The following MAPK4 variants were observed in gnomAD, a reference collection of about 807,000 sequenced individuals.
MAPK4 encodes the protein Erk3-related.
Under a neutral mutation model 47.7 loss-of-function variants are expected in MAPK4, and 22 were observed. The observed-to-expected ratio is 0.46, with a 90% CI of 0.33 to 0.66. The LOEUF is 0.66. MAPK4 is among the 30% of genes least tolerant of loss of function. MAPK4 has a pLI of 0.02. For synonymous variants in MAPK4, 390 were observed against 365.7 expected, an observed-to-expected ratio of 1.07 and a Z score of -0.76; for missense variants, 736 against 831.7, an observed-to-expected ratio of 0.88 and a Z score of 1.42.
intron 1 of MAPK4, among the ~76,000 whole-genome samples, chr18:50,637,796 C>T (rs551272616): frequency 7.9e-5 from 12 of 152,344 alleles, no homozygotes; most frequent in South Asian, 2.1e-4. Context: ...CTTCTCACTG[C>T]GTCCTCACGT....
intron 1 of MAPK4, among the ~76,000 whole-genome samples, chr18:50,572,254 C>A (rs17741814): frequency 0.26 from 39,965 of 151,864 alleles, 5,301 homozygotes; most frequent in South Asian, 0.32. Flanking sequence ...AGAGTAGGAG[C>A]GAGAGTTTTT....
chr18:50,628,601 G>T (rs2042802522), intron 1 of MAPK4, among the ~76,000 whole-genome samples: 1 of 152,210 alleles, frequency 6.6e-6, no homozygotes, highest in African/African-American at 2.4e-5. Flanking sequence ...TTTTATGTCA[G>T]TGTTTTTCAG....
At chr18:50,695,666 G>A (rs919968123) in intron 2 of MAPK4, among the ~76,000 whole-genome samples, 4 of 152,184 alleles carry the variant, frequency 2.6e-5, no homozygotes, top group African/African-American at 4.8e-5. Flanking sequence ...TAGAGAGAGC[G>A]CCTGGGGAGC....
At chr18:50,712,390 G>T (rs1486546168) in intron 2 of MAPK4, among the ~76,000 whole-genome samples, 1 of 152,184 alleles carries the variant, frequency 6.6e-6, no homozygotes, top group East Asian at 1.9e-4. Context: ...TTGCGCCACT[G>T]CATGTCAGCC....
intron 1 of MAPK4, among the ~76,000 whole-genome samples, chr18:50,657,054 C>T (rs548008419): frequency 6.6e-6 from 1 of 152,216 alleles, no homozygotes; most frequent in Admixed American, 6.5e-5. Flanking sequence ...CACCTCCCCA[C>T]GTGGCCTCAA....
At chr18:50,616,569 C>T (rs764886374) in intron 1 of MAPK4, among the ~76,000 whole-genome samples, 1 of 152,168 alleles carries the variant, frequency 6.6e-6, no homozygotes, top group Non-Finnish European at 1.5e-5. Context: ...CATCTGCAGG[C>T]TAAGGAGCCA....
Position 50,714,031 on chromosome 18 carries a change from C to T in MAPK4, c.547-1048C>T, listed in dbSNP as rs1910507118. Among the ~76,000 whole-genome samples the T allele has an allele frequency of 3.3e-5, 5 of 152,336 alleles. No homozygotes were observed. The South Asian group carries it at 1.0e-3, about 32-fold the overall frequency. The stretch of plus-strand genomic sequence containing the variant: ...TTTCAGATTAATAGGTCAAAAGCTC[C>T]TGGGTCCTGGCCTTCTTAACTTTTC... On this transcript the variant is annotated intron_variant, in intron 2 of 5. Coordinates refer to ENST00000400384, the MANE Select transcript of MAPK4 (RefSeq NM_002747.4).
intron 1 of MAPK4, among the ~76,000 whole-genome samples, chr18:50,654,422 C>T (rs137959307): frequency 2.2e-4 from 34 of 152,336 alleles, no homozygotes; most frequent in African/African-American, 7.0e-4. Flanking sequence ...AGCTCAGATC[C>T]GGCTGGGATC....
chr18:50,654,094 C>A (rs2043081433), intron 1 of MAPK4, among the ~76,000 whole-genome samples: 1 of 152,224 alleles, frequency 6.6e-6, no homozygotes, highest in Non-Finnish European at 1.5e-5. Context: ...ACACATCTGC[C>A]ATTGCTGGTC....
At chr18:50,722,187 C>A in intron 4 of MAPK4, 88 bp downstream of exon 4, 3 of 1,413,874 alleles carry the variant, frequency 2.1e-6, no homozygotes, top group South Asian at 1.3e-5. Flanking sequence ...GGTCTCCTTC[C>A]AAAAGGGCAA....
chr18:50,634,524 G>A (rs1370344302), intron 1 of MAPK4, among the ~76,000 whole-genome samples: 3 of 152,088 alleles, frequency 2.0e-5, no homozygotes, highest in Non-Finnish European at 4.4e-5. Context: ...ATCACATCCT[G>A]CCTTCTGTCA....
At chr18:50,704,924 G>C in intron 2 of MAPK4, 1 of 397,230 alleles carries the variant, frequency 2.5e-6, no homozygotes, top group Non-Finnish European at 4.4e-6. Context: ...CCTCAAAAGT[G>C]CTTTTGGACT....
At chr18:50,603,377 T>C (rs890208945) in intron 1 of MAPK4, among the ~76,000 whole-genome samples, 3 of 152,174 alleles carry the variant, frequency 2.0e-5, no homozygotes, top group African/African-American at 4.8e-5. Context: ...CCACATCTCC[T>C]CTCACCCTGT....
intron 5 of MAPK4, among the ~76,000 whole-genome samples, chr18:50,728,677 C>T (rs571065381): frequency 6.6e-6 from 1 of 152,214 alleles, no homozygotes; most frequent in Non-Finnish European, 1.5e-5. Flanking sequence ...AAATGTGGGT[C>T]CAATGCCCAG....
At chr18:50,721,047 C>A (rs1032912474) in intron 3 of MAPK4, among the ~76,000 whole-genome samples, 4 of 152,078 alleles carry the variant, frequency 2.6e-5, no homozygotes, top group Non-Finnish European at 5.9e-5. Flanking sequence ...GAAGTTTTAA[C>A]CTAGTACAGC....
At position 50,730,202 on chromosome 18, in the gene MAPK4, C is replaced by T. The variant is rs371792734; in HGVS notation, c.*348C>T. ...AATCTTGCAGAGGTAGCTCCGAAAC[C>T]ATCTGGCCCAACTAGCCTCAACTGA... On this transcript the variant is annotated 3_prime_UTR_variant, in exon 6 of 6. Transcript: ENST00000400384. 1.0e-4 allele frequency: 20 copies of T among 193,788 alleles called. 1 individual carries two copies. The East Asian group carries it at 1.6e-3, about 16-fold the overall frequency. 12.0% of individuals were successfully genotyped at this position (193,788 alleles called of 1,614,324 possible). A position where few individuals can be genotyped will look rare whatever the true frequency, so the allele number is the denominator to read the frequency against.
intron 1 of MAPK4, among the ~76,000 whole-genome samples, chr18:50,644,477 G>A: frequency 6.6e-6 from 1 of 152,112 alleles, no homozygotes; most frequent in Non-Finnish European, 1.5e-5. Context: ...ACACAGGGAA[G>A]GAACTGCTTT....
intron 1 of MAPK4, among the ~76,000 whole-genome samples, chr18:50,597,477 T>C (rs1195545754): frequency 6.6e-6 from 1 of 152,242 alleles, no homozygotes; most frequent in African/African-American, 2.4e-5. Flanking sequence ...TTTCTGGTTT[T>C]ACATCCCAAA....
In MAPK4 at chr18:50,618,883, T is replaced by C. The variant is rs541633916; in HGVS notation, c.-870-44206T>C. On this transcript the variant is annotated intron_variant, in intron 1 of 5. Coordinates refer to ENST00000400384, the MANE Select transcript of MAPK4 (RefSeq NM_002747.4). ...ATGCAGACTGTGCCCCCGAGAATAC[T>C]ATCTGAAAGTCAGTATGGTAAACAC... 1.1e-3 allele frequency among the ~76,000 whole-genome samples: 174 copies of C among 152,290 alleles called. 1 individual carries two copies. Among genetic ancestry groups the C allele is most frequent in the Non-Finnish European group, 2.2e-3 (149 of 68,028 alleles).
Sources: allele counts gnomAD v4.1 joint callset (sites outside exome capture counted in the v4.1 genomes callset), GRCh38; gene constraint gnomAD v4.1.1; transcripts MANE v1.5; gene names NCBI Gene and HGNC (gene_info 2026-07-23, HGNC 2026-07-21).